The following PHF2 variants were observed in gnomAD, a reference collection of about 807,000 sequenced individuals.
PHF2 encodes the protein PHD finger protein 2.
Under a neutral mutation model 120.5 loss-of-function variants are expected in PHF2, and 27 were observed. That is an observed-to-expected ratio of 0.22 (90% confidence interval 0.17 to 0.31). The LOEUF (loss-of-function observed/expected upper bound fraction) is 0.31, where lower values mean the gene tolerates loss of function less well. Among genes scored for constraint, PHF2 ranks in the 10% least tolerant of loss-of-function variants. The pLI is 1.00. For missense variants in PHF2, 1,024 were observed against 1,434.8 expected (o/e 0.71, Z 4.63); for synonymous variants, 568 against 592.5 (o/e 0.96, Z 0.60).
At chr9:93,585,907 A>C (rs1863034322) in intron 1 of PHF2, among the ~76,000 whole-genome samples, 1 of 152,244 alleles carries the variant, frequency 6.6e-6, no homozygotes, top group Non-Finnish European at 1.5e-5. Context: ...AGGCAGCGTC[A>C]AGTGGAGCTT....
intron 3 of PHF2, among the ~76,000 whole-genome samples, chr9:93,637,710 C>T (rs867356384): frequency 2.6e-5 from 4 of 152,274 alleles, no homozygotes; most frequent in South Asian, 2.1e-4. Context: ...TGGTCATTTG[C>T]GTTGTTTCCA....
At chr9:93,594,020 T>C (rs1377135064) in intron 1 of PHF2, among the ~76,000 whole-genome samples, 1 of 152,194 alleles carries the variant, frequency 6.6e-6, no homozygotes, top group Non-Finnish European at 1.5e-5. Flanking sequence ...GGCCTCCTGT[T>C]TTACAGATTT....
intron 1 of PHF2, among the ~76,000 whole-genome samples, chr9:93,581,484 A>C (rs1161193867): frequency 6.6e-6 from 1 of 152,130 alleles, no homozygotes; most frequent in African/African-American, 2.4e-5. Flanking sequence ...TAAAACAAGG[A>C]ATTCTCCCCC....
At chr9:93,631,357 G>C (rs542124940) in intron 2 of PHF2, among the ~76,000 whole-genome samples, 1 of 152,188 alleles carries the variant, frequency 6.6e-6, no homozygotes, top group South Asian at 2.1e-4. Flanking sequence ...ATATGCAAGC[G>C]GGTGATGAGG....
intron 5 of PHF2, 47 bp downstream of exon 5, chr9:93,649,259 G>A: frequency 2.0e-6 from 3 of 1,507,102 alleles, no homozygotes; most frequent in Non-Finnish European, 2.7e-6. Context: ...TTGGGGCAGG[G>A]GCGCTGTGCC....
At chr9:93,602,247 C>CTTTTTTTTTTTTT (rs67001312) in intron 1 of PHF2, among the ~76,000 whole-genome samples, 6 of 79,670 alleles carry the variant, frequency 7.5e-5, no homozygotes, top group Non-Finnish European at 6.7e-5. Context: ...CCTAGAGATT[C>CTTTTTTTTTTTTT]TTTTTTTTTT....
At position 93,676,938 on chromosome 9, in the gene PHF2, T is replaced by C. The variant is rs758867786; in HGVS notation, c.3177T>C (p.Ser1059=). 4.8e-5 allele frequency: 75 copies of C among 1,566,834 alleles called. No individual in the cohort carries two copies. Among genetic ancestry groups the C allele is most frequent in the Admixed American group, 7.4e-5 (4 of 54,400 alleles). The change falls in exon 21 of 22, where the codon TCT becomes TCC. Residue 1059 remains serine, a synonymous_variant. Transcript: ENST00000359246. ...CACAGAGGCGGCCCTCCGCATCGTC[T>C]CCAAACAACAACACCGCTGCCAAAG... ...FLTQRRPSAS[S]PNNNTAAKGK...
intron 1 of PHF2, 31 bp from the exon 2 acceptor site, chr9:93,629,939 C>G (rs911984867): frequency 6.2e-7 from 1 of 1,607,240 alleles, no homozygotes; most frequent in African/African-American, 1.3e-5. Context: ...TGCTGAATGC[C>G]TAGGTAATGG....
In PHF2 at chr9:93,665,954, G is replaced by A. The variant is rs746001192; in HGVS notation, c.2117-36G>A. 1.9e-6 allele frequency: 3 copies of A among 1,612,502 alleles called. No individual in the cohort carries two copies. The South Asian group carries it at 3.3e-5, about 18-fold the overall frequency. ...TCCCAGGGTGGCTGGCTCCCCGCAA[G>A]GCCTCCCGCTGGACTGCCATCTGCT... On this transcript the variant is annotated intron_variant, in intron 15 of 21. Coordinates refer to ENST00000359246, the MANE Select transcript of PHF2 (RefSeq NM_005392.4).
At chr9:93,654,188 T>C (rs1448561663) in intron 6 of PHF2, among the ~76,000 whole-genome samples, 2 of 152,164 alleles carry the variant, frequency 1.3e-5, no homozygotes, top group Non-Finnish European at 2.9e-5. Context: ...CTCGAAACAA[T>C]GTAATGTGGG....
At chr9:93,610,903 T>C (rs1825622823) in intron 1 of PHF2, among the ~76,000 whole-genome samples, 1 of 152,192 alleles carries the variant, frequency 6.6e-6, no homozygotes, top group African/African-American at 2.4e-5. Context: ...TGTTGAAGGA[T>C]TGAAAGTGCT....
At chr9:93,674,152 C>G (rs541677710) in intron 18 of PHF2, among the ~76,000 whole-genome samples, 1 of 152,248 alleles carries the variant, frequency 6.6e-6, no homozygotes, top group South Asian at 2.1e-4. Context: ...TGTGTGGCAC[C>G]GGGCGCCATC....
At chr9:93,595,276 A>G (rs1419565257) in intron 1 of PHF2, among the ~76,000 whole-genome samples, 1 of 152,222 alleles carries the variant, frequency 6.6e-6, no homozygotes, top group Non-Finnish European at 1.5e-5. Flanking sequence ...TTGGGTAATT[A>G]TAGACACTAA....
chr9:93,663,919 T>TC (rs1826626980), intron 14 of PHF2, among the ~76,000 whole-genome samples: 1 of 152,184 alleles, frequency 6.6e-6, no homozygotes, highest in African/African-American at 2.4e-5. Context: ...TGGCACGTCT[T>TC]CATCAGGCCT....
chr9:93,633,418 C>G (rs894340140), intron 2 of PHF2, among the ~76,000 whole-genome samples: 1 of 152,226 alleles, frequency 6.6e-6, no homozygotes, highest in Admixed American at 6.5e-5. Context: ...ATTGCAGCTC[C>G]TGACTTATAC....
chr9:93,666,856 G>A (rs1418373156), intron 16 of PHF2, among the ~76,000 whole-genome samples: 2 of 152,072 alleles, frequency 1.3e-5, no homozygotes, highest in African/African-American at 4.8e-5. Flanking sequence ...CCCAGGAGGC[G>A]GAGCTTGCAG....
intron 20 of PHF2, 143 bp from the exon 21 acceptor site, chr9:93,676,451 G>A (rs1440926489): frequency 5.5e-6 from 5 of 916,588 alleles, no homozygotes; most frequent in Non-Finnish European, 8.0e-6. Flanking sequence ...TGTGCCCCTG[G>A]CGGCCCAGAG....
In PHF2 at chr9:93,677,812, G is replaced by A. The variant is rs1312344953; in HGVS notation, c.*136G>A. ...TTCCCGGCTGCCATCTCCCCAACAA[G>A]CGTCTGTCCCTTCAGCCGGCAGAGC... On this transcript the variant is annotated 3_prime_UTR_variant, in exon 22 of 22. Transcript: ENST00000359246. The surrounding 1 kb of genome is among the most constrained non-coding windows in gnomAD (Gnocchi z 4.4). 1 of 649,960 alleles carries A rather than the reference G, an allele frequency of 1.5e-6. No homozygotes were observed. Among genetic ancestry groups the A allele is most frequent in the Non-Finnish European group, 2.7e-6 (1 of 364,946 alleles). The allele number at this position is 649,960 out of a possible 1,614,324, so 40.3% of individuals were successfully genotyped here.
chr9:93,593,220 A>G (rs1420665451), intron 1 of PHF2, among the ~76,000 whole-genome samples: 2 of 151,168 alleles, frequency 1.3e-5, no homozygotes, highest in Non-Finnish European at 2.9e-5. Flanking sequence ...TCCATTTTCT[A>G]TTCCAAAGCT....
Sources: gnomAD v4.1 joint callset for allele counts (sites outside exome capture counted in the v4.1 genomes callset) on GRCh38, gnomAD v4.1.1 for gene constraint, Gnocchi (gnomAD v3.1) non-coding constraint, MANE v1.5 for transcripts, NCBI Gene and HGNC (gene_info 2026-07-23, HGNC 2026-07-21) for gene names.